Variants in YTHDF3 observed in about 807,000 individuals in gnomAD.
YTHDF3 encodes the protein YTH N6-methyladenosine RNA binding protein F3.
In YTHDF3, 9 loss-of-function variants were observed where a neutral mutation model predicts 52.5. The observed-to-expected ratio is 0.17, with a 90% CI of 0.10 to 0.30. The LOEUF (loss-of-function observed/expected upper bound fraction) is 0.30, where lower values mean the gene tolerates loss of function less well. Ranked by LOEUF, YTHDF3 falls within the 10% of genes least tolerant of loss-of-function variation. YTHDF3 has a pLI of 1.00. For missense variants in YTHDF3, 534 were observed against 715.0 expected, an observed-to-expected ratio of 0.75 and a Z score of 2.89; for synonymous variants, 274 against 243.3, an observed-to-expected ratio of 1.13 and a Z score of -1.18.
intron 4 of YTHDF3, among the ~76,000 whole-genome samples, chr8:63,205,586 A>G (rs1019442719): frequency 4.6e-5 from 7 of 151,908 alleles, no homozygotes; most frequent in Non-Finnish European, 8.8e-5. Context: ...GGTGTATGCC[A>G]CCATGCCTGG....
chr8:63,169,037 A>C (rs1807087546), intron 1 of YTHDF3, 136 bp downstream of exon 1: 1 of 1,443,868 alleles, frequency 6.9e-7, no homozygotes, highest in African/African-American at 1.5e-5. Context: ...GCTGCGGTGT[A>C]GCTACCCGGG....
chr8:63,197,713 T>G (rs1809332432), intron 4 of YTHDF3, among the ~76,000 whole-genome samples: 1 of 152,188 alleles, frequency 6.6e-6, no homozygotes, highest in Admixed American at 6.5e-5. Flanking sequence ...AATTTTTGTA[T>G]TAGTATGCTA....
At chr8:63,177,802 G>A (rs993068915) in intron 3 of YTHDF3, among the ~76,000 whole-genome samples, 10 of 149,224 alleles carry the variant, frequency 6.7e-5, no homozygotes, top group African/African-American at 2.5e-4. Flanking sequence ...CTGTTGCCTA[G>A]GCTGGAGTGC....
intron 4 of YTHDF3, among the ~76,000 whole-genome samples, chr8:63,207,101 C>T (rs1303277787): frequency 6.6e-6 from 1 of 152,148 alleles, no homozygotes; most frequent in East Asian, 1.9e-4. Context: ...TCTCCTTGTA[C>T]TTGACAACTT....
chr8:63,196,849 T>C (rs912921963), intron 4 of YTHDF3, among the ~76,000 whole-genome samples: 2 of 152,154 alleles, frequency 1.3e-5, no homozygotes, highest in African/African-American at 4.8e-5. Flanking sequence ...GTACTGTTCA[T>C]GAAACCATAC....
intron 2 of YTHDF3, chr8:63,172,854 T>C: frequency 8.4e-7 from 1 of 1,190,986 alleles, no homozygotes; most frequent in Middle Eastern, 3.2e-4. Context: ...TGGAACTAGC[T>C]TGGATTTCAT....
chr8:63,168,694 G>A lies in YTHDF3; in HGVS notation c.-184G>A, dbSNP rs981383273. ...AGAGGGGGAAGAGGAGCGTGCAAGC[G>A]GAAAAGACGGGCCTCTTCCTCCGAC... is the stretch of plus-strand genomic sequence containing the variant. On this transcript the variant is annotated 5_prime_UTR_variant, in exon 1 of 5. Transcript: ENST00000539294. The A allele has an allele frequency of 1.7e-6, 2 of 1,143,934 alleles. No homozygotes were observed. Among genetic ancestry groups the A allele is most frequent in the Admixed American group, 2.2e-5 (1 of 46,494 alleles). The allele number at this position is 1,143,934 out of a possible 1,614,324, so 70.9% of individuals were successfully genotyped here.
chr8:63,204,554 G>T (rs1054480297), intron 4 of YTHDF3, among the ~76,000 whole-genome samples: 11 of 152,000 alleles, frequency 7.2e-5, no homozygotes, highest in Admixed American at 4.6e-4. Context: ...TAGAGACGGG[G>T]TTTCTCCATG....
chr8:63,201,544 T>G (rs1174080099), intron 4 of YTHDF3, among the ~76,000 whole-genome samples: 1 of 152,204 alleles, frequency 6.6e-6, no homozygotes, highest in Admixed American at 6.5e-5. Flanking sequence ...GTTGAGTTAA[T>G]CATTTTCATT....
chr8:63,168,930 G>T, intron 1 of YTHDF3, 29 bp downstream of exon 1: 1 of 1,549,272 alleles, frequency 6.5e-7, no homozygotes, highest in Non-Finnish European at 8.7e-7. Context: ...CAGGCTTGGC[G>T]AAGGCCCGAG....
chr8:63,180,054 G>A (rs1329750038), intron 3 of YTHDF3, among the ~76,000 whole-genome samples: 2 of 150,172 alleles, frequency 1.3e-5, no homozygotes, highest in Admixed American at 1.3e-4. Flanking sequence ...CGGACGGGGC[G>A]GCTGGCTGGG....
chr8:63,175,541 A>G (rs1807629214), intron 3 of YTHDF3, 125 bp downstream of exon 3: 2 of 746,382 alleles, frequency 2.7e-6, no homozygotes, highest in South Asian at 1.8e-5. Context: ...GTACCTATAT[A>G]GTAAGTGAGT....
At chr8:63,183,250 G>T (rs758616254) in intron 3 of YTHDF3, among the ~76,000 whole-genome samples, 4 of 151,996 alleles carry the variant, frequency 2.6e-5, no homozygotes, top group Non-Finnish European at 5.9e-5. Flanking sequence ...CATGAACCAC[G>T]GTGTCCAGCC....
chr8:63,176,024 C>CT (rs1807667552), intron 3 of YTHDF3, among the ~76,000 whole-genome samples: 1 of 151,940 alleles, frequency 6.6e-6, no homozygotes, highest in Admixed American at 6.6e-5. Context: ...TAACTGGTGG[C>CT]TTTGAGTATT....
chr8:63,197,373 G>GT (rs1490868318), intron 4 of YTHDF3, among the ~76,000 whole-genome samples: 1 of 151,990 alleles, frequency 6.6e-6, no homozygotes, highest in Non-Finnish European at 1.5e-5. Context: ...CTGTCTATTG[G>GT]TTTTTTTCAT....
Position 63,211,930 on chromosome 8 carries a change from C to T in YTHDF3, c.*2224C>T, listed in dbSNP as rs879169437. The T allele has an allele frequency of 6.6e-6, 1 of 152,544 alleles. No individual in the cohort carries two copies. The highest frequency in any genetic ancestry group is 1.5e-5 in the Non-Finnish European group (1 of 68,002). 9.4% of individuals were successfully genotyped at this position (152,544 alleles called of 1,614,324 possible). ...ATATAAGTTTTCTCCAGAGCACCCA[C>T]CTTCTCTTCCTTCTTGGTCTGTCAT... On this transcript the variant is annotated 3_prime_UTR_variant, in exon 5 of 5. Coordinates refer to ENST00000539294, the MANE Select transcript of YTHDF3 (RefSeq NM_152758.6).
At chr8:63,205,755 C>T (rs1809987848) in intron 4 of YTHDF3, among the ~76,000 whole-genome samples, 1 of 152,154 alleles carries the variant, frequency 6.6e-6, no homozygotes, top group African/African-American at 2.4e-5. Context: ...CTTAGTCTCA[C>T]ACTTCTAGTG....
intron 1 of YTHDF3, 21 bp from the exon 2 acceptor site, chr8:63,169,366 A>G (rs757583548): frequency 1.3e-6 from 2 of 1,598,962 alleles, no homozygotes; most frequent in South Asian, 2.2e-5. Flanking sequence ...TCTTTACCGC[A>G]TCTTTCGTCT....
chr8:63,184,428 A>G (rs1339347005), intron 3 of YTHDF3, among the ~76,000 whole-genome samples: 1 of 152,236 alleles, frequency 6.6e-6, no homozygotes, highest in African/African-American at 2.4e-5. Context: ...TATTTTAGTC[A>G]TATCAGAGAA....
Sources: gnomAD v4.1 joint callset for allele counts (sites outside exome capture counted in the v4.1 genomes callset) on GRCh38, gnomAD v4.1.1 for gene constraint, MANE v1.5 for transcripts, NCBI Gene and HGNC (gene_info 2026-07-23, HGNC 2026-07-21) for gene names.